FNBP1: variants seen among roughly 807,000 people sequenced by gnomAD.
The protein encoded by FNBP1 is formin-binding protein 1.
A neutral mutation model predicts 90.6 loss-of-function variants in FNBP1; 26 were observed. That is an observed-to-expected ratio of 0.29 (90% CI 0.21 to 0.40). FNBP1 has a LOEUF of 0.40. Ranked by LOEUF, FNBP1 falls within the 10% of genes least tolerant of loss-of-function variation. FNBP1 has a pLI of 1.00. For missense variants in FNBP1, 635 were observed against 768.0 expected, an observed-to-expected ratio of 0.83 and a Z score of 2.05; for synonymous variants, 260 against 265.2, an observed-to-expected ratio of 0.98 and a Z score of 0.19.
chr9:129,978,041 G>A (rs2050617994), intron 4 of FNBP1, among the ~76,000 whole-genome samples: 1 of 150,014 alleles, frequency 6.7e-6, no homozygotes, highest in Non-Finnish European at 1.5e-5. Flanking sequence ...TTCTTTTTGA[G>A]ACGGAGTCTT....
At chr9:130,012,442 T>G (rs1379597019) in intron 1 of FNBP1, among the ~76,000 whole-genome samples, 3 of 152,118 alleles carry the variant, frequency 2.0e-5, no homozygotes, top group Non-Finnish European at 4.4e-5. Context: ...AGCTGTTCAA[T>G]AAGAGGTACG....
At chr9:129,892,464 T>C (rs923705249) in intron 16 of FNBP1, among the ~76,000 whole-genome samples, 9 of 151,042 alleles carry the variant, frequency 6.0e-5, no homozygotes, top group South Asian at 2.1e-4. Context: ...CACTGAGTTA[T>C]GGGCCTAAGA....
chr9:129,989,400 C>T (rs921177441), intron 2 of FNBP1, among the ~76,000 whole-genome samples: 2 of 152,086 alleles, frequency 1.3e-5, no homozygotes, highest in African/African-American at 4.8e-5. Context: ...TCTCACAGGC[C>T]GGTGCAAACA....
chr9:129,999,232 CA>C (rs1051636258), intron 1 of FNBP1, among the ~76,000 whole-genome samples: 2 of 152,066 alleles, frequency 1.3e-5, no homozygotes, highest in African/African-American at 4.8e-5. Context: ...ATGGTGTCAT[CA>C]AAAATGCATC....
At chr9:129,954,884 T>C (rs75388469) in intron 6 of FNBP1, among the ~76,000 whole-genome samples, 11,165 of 151,864 alleles carry the variant, frequency 0.074, 508 homozygotes, top group Admixed American at 0.12. Context: ...ATCCCAGCAA[T>C]TTGGGAGGCT....
intron 1 of FNBP1, among the ~76,000 whole-genome samples, chr9:130,036,559 C>T (rs1336187531): frequency 1.3e-5 from 2 of 152,162 alleles, no homozygotes; most frequent in Non-Finnish European, 2.9e-5. Flanking sequence ...GGTTTGTTTT[C>T]TTTTAATATC....
chr9:130,038,879 T>A (rs2059584884), intron 1 of FNBP1, among the ~76,000 whole-genome samples: 1 of 152,180 alleles, frequency 6.6e-6, no homozygotes, highest in Non-Finnish European at 1.5e-5. Context: ...AGAGAATAAT[T>A]ACGAGGAAGG....
At chr9:129,906,170 A>G (rs1391228663) in intron 12 of FNBP1, among the ~76,000 whole-genome samples, 1 of 152,188 alleles carries the variant, frequency 6.6e-6, no homozygotes, top group Non-Finnish European at 1.5e-5. Context: ...GGCATGAGCC[A>G]CCGCGCCTGG....
intron 6 of FNBP1, among the ~76,000 whole-genome samples, chr9:129,953,008 A>C (rs2046401801): frequency 6.6e-6 from 1 of 152,224 alleles, no homozygotes. Flanking sequence ...CAAAATCCTT[A>C]ATGATAGGAA....
intron 2 of FNBP1, among the ~76,000 whole-genome samples, chr9:129,992,555 T>C (rs2053349468): frequency 7.1e-6 from 1 of 141,822 alleles, no homozygotes; most frequent in Admixed American, 7.1e-5. Flanking sequence ...AGCTCTTTTT[T>C]TTTTTTTTTT....
chr9:130,016,658 G>T (rs1011795188), intron 1 of FNBP1, among the ~76,000 whole-genome samples: 1 of 152,112 alleles, frequency 6.6e-6, no homozygotes, highest in African/African-American at 2.4e-5. Context: ...CAGGAGAATC[G>T]CTTGAACCTG....
chr9:129,899,171 G>A (rs2036374986), intron 15 of FNBP1, among the ~76,000 whole-genome samples: 1 of 150,742 alleles, frequency 6.6e-6, no homozygotes, highest in African/African-American at 2.4e-5. Context: ...TCCGCCTCCC[G>A]GGTTCAAGTG....
Position 129,927,211 on chromosome 9 carries a change from G to A in FNBP1, c.773C>T (p.Ser258Leu), listed in dbSNP as rs1284441885. 2 of 1,613,806 alleles carry A rather than the reference G, an allele frequency of 1.2e-6. No individual in the cohort carries two copies. The highest frequency in any genetic ancestry group is 1.3e-5 in the African/African-American group (1 of 75,042). The change falls in exon 8 of 17, where the codon TCA (serine) becomes TTA (leucine). Residue 258 changes from serine to leucine, a missense_variant. Physicochemically the swap from Ser to Leu is moderately radical, Grantham distance 145. Transcript: ENST00000446176. ...AATACTTACATTTTTCTGATCAATT[G>A]ATTCGGCTGCTTTTACTATTCCATC... ...CLDGIVKAAE[S>L]IDQKNDSQLV...
Position 129,895,854 on chromosome 9 carries a change from C to T in FNBP1, c.1830G>A (p.Leu610=). ...TCTTAGCACCTTTGGCATTTTTGTC[C>T]AAACAGACTTCGACATATGAAGTGG... ...YVPTSYVEVC[L]DKNAKDS is the part of the protein sequence containing the mutation. The change falls in exon 16 of 17, where the codon TTG becomes TTA. Residue 610 remains leucine, a synonymous_variant. Transcript: ENST00000446176. 1 of 1,605,700 alleles carries T rather than the reference C, an allele frequency of 6.2e-7. No homozygotes were observed. Among genetic ancestry groups the T allele is most frequent in the Admixed American group, 1.7e-5 (1 of 57,988 alleles).
At chr9:130,013,126 T>C (rs1393564403) in intron 1 of FNBP1, among the ~76,000 whole-genome samples, 2 of 152,120 alleles carry the variant, frequency 1.3e-5, no homozygotes, top group East Asian at 1.9e-4. Context: ...AGAATATAGA[T>C]AGCACTCCTT....
upstream of FNBP1, among the ~76,000 whole-genome samples, chr9:130,047,424 C>T (rs553125524): frequency 1.6e-3 from 243 of 152,174 alleles, 1 homozygote; most frequent in African/African-American, 5.8e-3. Context: ...ACCAGCCTGG[C>T]CGACATAGTG....
chr9:129,907,843 C>T (rs2038437989), intron 12 of FNBP1, among the ~76,000 whole-genome samples: 1 of 151,848 alleles, frequency 6.6e-6, no homozygotes, highest in Non-Finnish European at 1.5e-5. Flanking sequence ...ATTCTCCTGT[C>T]TCAGCCTCCC....
In FNBP1 at chr9:129,900,017, A is replaced by G; in HGVS notation, c.1635T>C (p.Asp545=). ...TCCCTATGGCAGGGAGGGGCTCCTCATCATCAAACTCGTCGTCAAAATCCG... is the reference window on the plus strand; with the variant it reads ...TCCCTATGGCAGGGAGGGGCTCCTCGTCATCAAACTCGTCGTCAAAATCCG... The part of the protein sequence containing the change: ...LATDFDDEFD[D]EEPLPAIGTC... Residue 545 remains aspartate, a synonymous_variant, in exon 15 of 17, where the codon GAT becomes GAC. Transcript: ENST00000446176. The surrounding 1 kb of genome is among the most constrained non-coding windows in gnomAD (Gnocchi z 4.1). 2.5e-6 allele frequency: 4 copies of G among 1,613,606 alleles called. No homozygotes were observed. Among genetic ancestry groups the G allele is most frequent in the Non-Finnish European group, 3.4e-6 (4 of 1,179,696 alleles).
chr9:129,949,056 G>A (rs1015757343), intron 6 of FNBP1, among the ~76,000 whole-genome samples: 4 of 151,918 alleles, frequency 2.6e-5, no homozygotes, highest in Non-Finnish European at 5.9e-5. Flanking sequence ...AGTCCACCTC[G>A]TTGAAAGGGC....
Sources: gnomAD v4.1 joint callset for allele counts (sites outside exome capture counted in the v4.1 genomes callset) on GRCh38, gnomAD v4.1.1 for gene constraint, Gnocchi (gnomAD v3.1) non-coding constraint, MANE v1.5 for transcripts, NCBI Gene and HGNC (gene_info 2026-07-23, HGNC 2026-07-21) for gene names.